Variants in VDAC1 observed in about 807,000 individuals in gnomAD.
VDAC1 encodes non-selective voltage-gated ion channel VDAC1.
VDAC1 carries 10 observed loss-of-function variants against 34.7 expected under a neutral mutation model. That is an observed-to-expected ratio of 0.29 (90% CI 0.18 to 0.49). VDAC1 has a LOEUF of 0.49. Among genes scored for constraint, VDAC1 ranks in the 20% least tolerant of loss-of-function variants. The probability of loss-of-function intolerance (pLI) is 0.99; values close to 1 mark genes in which losing one functional copy is unlikely to be tolerated. For missense variants in VDAC1, 230 were observed against 347.9 expected, an observed-to-expected ratio of 0.66 and a Z score of 2.69; for synonymous variants, 130 against 136.0, an observed-to-expected ratio of 0.96 and a Z score of 0.30.
the VDAC1 span, among the ~76,000 whole-genome samples, chr5:134,028,789 C>T: frequency 6.6e-6 from 1 of 152,178 alleles, no homozygotes; most frequent in Admixed American, 6.5e-5. Context: ...AGTACAGATT[C>T]CTAGGCCCTG....
the VDAC1 span, among the ~76,000 whole-genome samples, chr5:134,028,264 C>G: frequency 6.6e-6 from 1 of 151,978 alleles, no homozygotes; most frequent in African/African-American, 2.4e-5. Context: ...TCCCAAGTAG[C>G]TGGGAGTACA....
At chr5:134,101,932 G>A in the VDAC1 span, among the ~76,000 whole-genome samples, 4 of 152,174 alleles carry the variant, frequency 2.6e-5, no homozygotes, top group African/African-American at 7.2e-5. Flanking sequence ...TAGGAGTCAT[G>A]GGAACCAACA....
chr5:133,973,720 C>T, intron 8 of VDAC1, 71 bp downstream of exon 8: 2 of 1,404,418 alleles, frequency 1.4e-6, no homozygotes, highest in South Asian at 1.2e-5. Flanking sequence ...TAAGCAATGA[C>T]ATAAATCAGC....
chr5:134,041,153 T>C, the VDAC1 span, among the ~76,000 whole-genome samples: 1 of 152,218 alleles, frequency 6.6e-6, no homozygotes, highest in Non-Finnish European at 1.5e-5. Flanking sequence ...CTCCTTCTCT[T>C]GATGCTTCAA....
chr5:134,087,694 A>G, the VDAC1 span, among the ~76,000 whole-genome samples: 1 of 151,608 alleles, frequency 6.6e-6, no homozygotes, highest in East Asian at 1.9e-4. Flanking sequence ...CGTCTCTACT[A>G]AAAATACAAA....
chr5:133,987,603 A>T (rs1399442781), intron 5 of VDAC1, among the ~76,000 whole-genome samples: 2 of 151,124 alleles, frequency 1.3e-5, no homozygotes, highest in Non-Finnish European at 3.0e-5. Flanking sequence ...GCTGGATCCC[A>T]GGAGGCAGAG....
the VDAC1 span, among the ~76,000 whole-genome samples, chr5:134,039,008 G>C: frequency 6.6e-6 from 1 of 152,072 alleles, no homozygotes. Context: ...TTTGCAATAG[G>C]CGCCTTATTT....
chr5:133,974,338 G>A (rs11952145), intron 7 of VDAC1, among the ~76,000 whole-genome samples: 21,939 of 152,170 alleles, frequency 0.14, 1,770 homozygotes, highest in East Asian at 0.32. Context: ...AGGATTTACT[G>A]CAAAAACTGT....
At chr5:134,020,571 C>A in the VDAC1 span, among the ~76,000 whole-genome samples, 23 of 152,260 alleles carry the variant, frequency 1.5e-4, no homozygotes, top group African/African-American at 3.6e-4. Context: ...TCATAAGGCC[C>A]TGGGCCATAT....
At chr5:134,087,235 G>A in the VDAC1 span, among the ~76,000 whole-genome samples, 1 of 152,102 alleles carries the variant, frequency 6.6e-6, no homozygotes, top group Non-Finnish European at 1.5e-5. Flanking sequence ...AAAGAGAGTG[G>A]AACAGATCAG....
chr5:134,077,276 CAA>C, the VDAC1 span, among the ~76,000 whole-genome samples: 12 of 101,136 alleles, frequency 1.2e-4, no homozygotes, highest in East Asian at 3.1e-4. Flanking sequence ...GACTCCATCT[CAA>C]AAAAAAAAAA....
At chr5:134,044,150 C>T in the VDAC1 span, among the ~76,000 whole-genome samples, 1 of 152,192 alleles carries the variant, frequency 6.6e-6, no homozygotes, top group Non-Finnish European at 1.5e-5. Flanking sequence ...GTTGAGTTTA[C>T]ACCCCCTCAT....
chr5:134,009,088 A>G (rs1435576387), upstream of VDAC1, among the ~76,000 whole-genome samples: 3 of 152,116 alleles, frequency 2.0e-5, no homozygotes, highest in East Asian at 1.9e-4. Flanking sequence ...TGCATATCCC[A>G]AAACATGAGG....
the VDAC1 span, among the ~76,000 whole-genome samples, chr5:134,112,121 A>T: frequency 1.3e-5 from 2 of 152,142 alleles, no homozygotes; most frequent in East Asian, 3.9e-4. Flanking sequence ...AACAAATCAG[A>T]GCTCTTGTTC....
chr5:134,039,519 G>T, the VDAC1 span, among the ~76,000 whole-genome samples: 453 of 16,432 alleles, frequency 0.028, no homozygotes, highest in South Asian at 0.066. Flanking sequence ...TAGTAGAGAC[G>T]GGGGTTTCAC....
At chr5:134,033,836 C>CA in the VDAC1 span, among the ~76,000 whole-genome samples, 4 of 151,414 alleles carry the variant, frequency 2.6e-5, no homozygotes, top group East Asian at 1.9e-4. Context: ...ACTAAAAATA[C>CA]AAAAAATTAG....
chr5:134,003,715 G>C (rs1178802287), intron 1 of VDAC1, among the ~76,000 whole-genome samples: 1 of 152,202 alleles, frequency 6.6e-6, no homozygotes, highest in Non-Finnish European at 1.5e-5. Flanking sequence ...CACCGGCACT[G>C]TTCTAAAGGT....
At chr5:134,021,971 G>A in the VDAC1 span, among the ~76,000 whole-genome samples, 5 of 148,828 alleles carry the variant, frequency 3.4e-5, no homozygotes, top group Non-Finnish European at 7.4e-5. Context: ...TCTGCCTCCC[G>A]GCTTCTCCAA....
At chr5:134,112,050 G>T in the VDAC1 span, among the ~76,000 whole-genome samples, 1 of 152,144 alleles carries the variant, frequency 6.6e-6, no homozygotes, top group Non-Finnish European at 1.5e-5. Context: ...TGTAGACGAT[G>T]GTGAAGGAAT....
Sources: gnomAD v4.1 joint callset for allele counts (sites outside exome capture counted in the v4.1 genomes callset) on GRCh38, gnomAD v4.1.1 for gene constraint, MANE v1.5 for transcripts, NCBI Gene and HGNC (gene_info 2026-07-23, HGNC 2026-07-21) for gene names.